The following DLGAP2 variants were observed in gnomAD, a reference collection of about 807,000 sequenced individuals.
DLGAP2 encodes DLG associated protein 2.
DLGAP2 carries 26 observed loss-of-function variants against 100.3 expected under a neutral mutation model. That is an observed-to-expected ratio of 0.26 (90% CI 0.19 to 0.36). The LOEUF (loss-of-function observed/expected upper bound fraction) is 0.36, where lower values mean the gene tolerates loss of function less well. Ranked by LOEUF, DLGAP2 falls within the 10% of genes least tolerant of loss-of-function variation. The probability of loss-of-function intolerance (pLI) is 1.00; values close to 1 mark genes in which losing one functional copy is unlikely to be tolerated. For synonymous variants in DLGAP2, 886 were observed against 630.1 expected (o/e 1.41, Z -6.08); for missense variants, 1,858 against 1,453.2 (o/e 1.28, Z -4.53).
chr8:760,199 AG>A (rs1563416352), intron 1 of DLGAP2, among the ~76,000 whole-genome samples: 1 of 152,044 alleles, frequency 6.6e-6, no homozygotes, highest in African/African-American at 2.4e-5. Context: ...GGCATTCCAG[AG>A]GCCCAAGGGA....
chr8:1,200,240 C>G (rs1797841493), intron 2 of DLGAP2, among the ~76,000 whole-genome samples: 1 of 152,194 alleles, frequency 6.6e-6, no homozygotes, highest in Non-Finnish European at 1.5e-5. Context: ...GTGTCTTTTC[C>G]TCACTGCCTC....
Position 979,041 on chromosome 8 carries a change from A to G in DLGAP2, c.73+71075A>G, listed in dbSNP as rs56976019. Among the ~76,000 whole-genome samples, 323 of 152,258 alleles carry G rather than the reference A, an allele frequency of 2.1e-3. 1 individual carries two copies. The highest frequency in any genetic ancestry group is 6.8e-3 in the Middle Eastern group (2 of 294). ...CTTGTTCCCACACTTCATTCTCCGC[A>G]GGAGTGTTCAGGAGCATGCAGTCCG... On this transcript the variant is annotated intron_variant, in intron 2 of 14. Transcript: ENST00000637795.
At chr8:1,008,404 A>G (rs1801182775) in intron 2 of DLGAP2, among the ~76,000 whole-genome samples, 1 of 152,246 alleles carries the variant, frequency 6.6e-6, no homozygotes. Context: ...TGGTTTTAAG[A>G]TAATTATCAT....
intron 1 of DLGAP2, among the ~76,000 whole-genome samples, chr8:785,967 T>C (rs569025750): frequency 1.3e-5 from 2 of 152,282 alleles, no homozygotes; most frequent in South Asian, 4.1e-4. Context: ...CCAGGCGATA[T>C]CACGTACCCC....
At chr8:1,059,823 CA>C (rs1209069793) in intron 2 of DLGAP2, among the ~76,000 whole-genome samples, 2 of 152,162 alleles carry the variant, frequency 1.3e-5, no homozygotes, top group African/African-American at 4.8e-5. Context: ...CTTGGGAAGG[CA>C]GCCAGGCAGT....
At chr8:1,506,167 C>T (rs1799905692) in intron 4 of DLGAP2, among the ~76,000 whole-genome samples, 1 of 152,044 alleles carries the variant, frequency 6.6e-6, no homozygotes, top group East Asian at 1.9e-4. Flanking sequence ...ACCAATGTCT[C>T]ATTCTAATGT....
intron 12 of DLGAP2, among the ~76,000 whole-genome samples, chr8:1,679,979 CAAAAA>C (rs760100523): frequency 1.4e-3 from 88 of 63,500 alleles, no homozygotes; most frequent in Non-Finnish European, 2.3e-3. Context: ...GACTCTGTCT[CAAAAA>C]AAAAAAAAAA....
At chr8:1,549,717 C>T (rs375790972) in intron 5 of DLGAP2, 34 bp downstream of exon 5, 17 of 1,502,928 alleles carry the variant, frequency 1.1e-5, no homozygotes, top group African/African-American at 7.0e-5. Context: ...GAGGCCGTCT[C>T]GGCACAGCAG....
chr8:864,474 C>G (rs1287006878), intron 1 of DLGAP2, among the ~76,000 whole-genome samples: 3 of 152,146 alleles, frequency 2.0e-5, no homozygotes, highest in Non-Finnish European at 2.9e-5. Context: ...TGTGAGTCAA[C>G]TAGAAAATTT....
chr8:1,456,363 C>T lies in DLGAP2; in HGVS notation c.107-45003C>T, dbSNP rs116031500. Among the ~76,000 whole-genome samples the T allele has an allele frequency of 1.2e-3, 176 of 152,270 alleles. 1 individual carries two copies. Among genetic ancestry groups the T allele is most frequent in the African/African-American group, 3.9e-3 (161 of 41,554 alleles). On this transcript the variant is annotated intron_variant, in intron 3 of 14. Coordinates refer to ENST00000637795, the MANE Select transcript of DLGAP2 (RefSeq NM_001346810.2). Reference sequence around the variant, plus strand: ...CCTTTAAATATGACCGAAATTCTGTCGTCTTCCTGACTAATGGTGCCGTGT... The same window carrying T: ...CCTTTAAATATGACCGAAATTCTGTTGTCTTCCTGACTAATGGTGCCGTGT...
At chr8:1,418,082 A>G (rs903628119) in intron 3 of DLGAP2, among the ~76,000 whole-genome samples, 1 of 152,216 alleles carries the variant, frequency 6.6e-6, no homozygotes, top group African/African-American at 2.4e-5. Context: ...ATTAGCAAAA[A>G]TAAATGTAAC....
At chr8:1,470,775 A>ACCCCTCCAGG (rs1563168449) in intron 3 of DLGAP2, among the ~76,000 whole-genome samples, 1 of 75,982 alleles carries the variant, frequency 1.3e-5, no homozygotes, top group Non-Finnish European at 3.2e-5. Context: ...GCCTTTCCCG[A>ACCCCTCCAGG]CTCCCCCAGC....
chr8:1,449,833 G>GA, intron 3 of DLGAP2, among the ~76,000 whole-genome samples: 1 of 146,686 alleles, frequency 6.8e-6, no homozygotes, highest in African/African-American at 2.5e-5. Flanking sequence ...CTCGGTGGCT[G>GA]TGACTGTAGC....
At chr8:814,944 G>C (rs1216136620) in intron 1 of DLGAP2, among the ~76,000 whole-genome samples, 1 of 149,936 alleles carries the variant, frequency 6.7e-6, no homozygotes, top group African/African-American at 2.5e-5. Flanking sequence ...TATATCTGAA[G>C]AAAACATTAA....
chr8:1,110,633 G>A (rs1023023527), intron 2 of DLGAP2, among the ~76,000 whole-genome samples: 2 of 151,954 alleles, frequency 1.3e-5, no homozygotes, highest in African/African-American at 4.8e-5. Flanking sequence ...GTGCCATACT[G>A]TCCCTGAAAT....
At chr8:982,998 T>A (rs1299439242) in intron 2 of DLGAP2, among the ~76,000 whole-genome samples, 1 of 151,824 alleles carries the variant, frequency 6.6e-6, no homozygotes. Flanking sequence ...CCTATTTCTA[T>A]ATAGAGCCTC....
chr8:770,620 G>C (rs757979780), intron 1 of DLGAP2, among the ~76,000 whole-genome samples: 1 of 152,080 alleles, frequency 6.6e-6, no homozygotes, highest in South Asian at 2.1e-4. Flanking sequence ...ATGCACCTCT[G>C]TCCTGTTTGG....
intron 2 of DLGAP2, among the ~76,000 whole-genome samples, chr8:1,063,059 G>C (rs1361811445): frequency 6.6e-6 from 1 of 152,218 alleles, no homozygotes; most frequent in East Asian, 1.9e-4. Context: ...AATGGAGTGA[G>C]AAGCCTGTGG....
At chr8:1,240,995 T>C (rs141743230) in intron 2 of DLGAP2, among the ~76,000 whole-genome samples, 9 of 5,088 alleles carry the variant, frequency 1.8e-3, no homozygotes, top group South Asian at 5.7e-3. Context: ...CACATGGTGC[T>C]GTGTCTAGTT....
Sources: allele counts gnomAD v4.1 joint callset (sites outside exome capture counted in the v4.1 genomes callset), GRCh38; gene constraint gnomAD v4.1.1; transcripts MANE v1.5; gene names NCBI Gene and HGNC (gene_info 2026-07-23, HGNC 2026-07-21).